FGF2: variants seen among roughly 807,000 people sequenced by gnomAD.
FGF2 encodes basic fibroblast growth factor bFGF.
FGF2 carries 13 observed loss-of-function variants against 15.9 expected under a neutral mutation model. The observed-to-expected ratio is 0.82, with a 90% confidence interval of 0.53 to 1.30. The LOEUF (loss-of-function observed/expected upper bound fraction) is 1.30, where lower values mean the gene tolerates loss of function less well. FGF2 is among the 50% of genes most tolerant of loss of function. The pLI, the probability that FGF2 is intolerant of heterozygous loss-of-function variation, is 0.00. For missense variants in FGF2, 163 were observed against 196.9 expected, an observed-to-expected ratio of 0.83 and a Z score of 1.03; for synonymous variants, 90 against 78.4, an observed-to-expected ratio of 1.15 and a Z score of -0.78.
Position 122,826,917 on chromosome 4 carries a change from C to T in FGF2, c.-258C>T, listed in dbSNP as rs1490755234. 2.0e-6 allele frequency: 3 copies of T among 1,495,212 alleles called. No homozygotes were observed. Among genetic ancestry groups the T allele is most frequent in the East Asian group, 2.8e-5 (1 of 35,774 alleles). 92.6% of individuals were successfully genotyped at this position (1,495,212 alleles called of 1,614,324 possible). A position where few individuals can be genotyped will look rare whatever the true frequency, so the allele number is the denominator to read the frequency against. On this transcript the variant is annotated 5_prime_UTR_variant, in exon 1 of 3. Coordinates refer to ENST00000644866, the MANE Select transcript of FGF2 (RefSeq NM_001361665.2). The stretch of plus-strand genomic sequence containing the variant: ...GGCGGCTCTCCCCAGGCGGCGTCCG[C>T]GGAGACACCCATCCGTGAACCCCAG...
rs11310783 is a variant in FGF2 at position 122,885,913 on chromosome 4, CTTTTTTT to C, written c.283-6281_283-6275del. Among the ~76,000 whole-genome samples, 223 of 84,524 alleles carry C rather than the reference CTTTTTTT, an allele frequency of 2.6e-3. 2 individuals are homozygous for C. The highest frequency in any genetic ancestry group is 9.7e-3 in the African/African-American group (157 of 16,174). 55.5% of individuals were successfully genotyped at this position (84,524 alleles called of 152,430 possible). A position where few individuals can be genotyped will look rare whatever the true frequency, so the allele number is the denominator to read the frequency against. On this transcript the variant is annotated intron_variant, in intron 2 of 2. Coordinates refer to ENST00000644866, the MANE Select transcript of FGF2 (RefSeq NM_001361665.2). Reference sequence around the variant, plus strand: ...TTCAACTTGCTTGATTTTTTTTTTCCTTTTTTTTTTTTTTTTTTTTTTTGAGACAGGT... The same window carrying C: ...TTCAACTTGCTTGATTTTTTTTTTCCTTTTTTTTTTTTTTTTGAGACAGGT...
chr4:122,866,338 C>T (rs1446916518), intron 1 of FGF2, among the ~76,000 whole-genome samples: 2 of 149,724 alleles, frequency 1.3e-5, no homozygotes, highest in African/African-American at 2.5e-5. Flanking sequence ...ACTGCACTCC[C>T]GCCTGGGTGA....
intron 1 of FGF2, among the ~76,000 whole-genome samples, chr4:122,841,714 G>A (rs1725987794): frequency 6.6e-6 from 1 of 152,138 alleles, no homozygotes; most frequent in South Asian, 2.1e-4. Flanking sequence ...CTAAACCAAA[G>A]TTATGTTTTT....
At chr4:122,829,399 C>T (rs1196616912) in intron 1 of FGF2, among the ~76,000 whole-genome samples, 1 of 152,084 alleles carries the variant, frequency 6.6e-6, no homozygotes, top group African/African-American at 2.4e-5. Flanking sequence ...TCCTACAATA[C>T]ACATTATAAT....
At position 122,870,118 on chromosome 4, in the gene FGF2, T is replaced by C. The variant is rs368706896; in HGVS notation, c.179-6203T>C. On this transcript the variant is annotated intron_variant, in intron 1 of 2. Transcript: ENST00000644866. ...CGTGGTTTTTGTCTTTGGTTCTGTT[T>C]ATGTGATGGATTACATTTATTGATT... 9.8e-5 allele frequency among the ~76,000 whole-genome samples: 15 copies of C among 152,370 alleles called. No individual in the cohort carries two copies. In the South Asian group the frequency reaches 3.1e-3, roughly 32 times the overall value.
chr4:122,859,904 A>C (rs1206645216), intron 1 of FGF2, among the ~76,000 whole-genome samples: 2 of 152,184 alleles, frequency 1.3e-5, no homozygotes, highest in African/African-American at 4.8e-5. Context: ...TAATCTAGTG[A>C]ATACTTTTCA....
At chr4:122,882,709 C>G (rs778451114) in intron 2 of FGF2, 4 of 152,188 alleles carry the variant, frequency 2.6e-5, no homozygotes, top group Non-Finnish European at 2.9e-5. Flanking sequence ...TTCTTAGTCT[C>G]CTTTGAGGAA....
chr4:122,839,728 C>G (rs1292822739), intron 1 of FGF2, among the ~76,000 whole-genome samples: 1 of 152,164 alleles, frequency 6.6e-6, no homozygotes, highest in African/African-American at 2.4e-5. Context: ...TTGTGCCGGT[C>G]ACTGCAATCT....
intron 1 of FGF2, among the ~76,000 whole-genome samples, chr4:122,850,716 A>G (rs1234258705): frequency 6.6e-6 from 1 of 152,038 alleles, no homozygotes; most frequent in Non-Finnish European, 1.5e-5. Context: ...GTTGTATGGG[A>G]CTCTTAGCGC....
chr4:122,893,819 C>A lies in FGF2; in HGVS notation c.*1423C>A, dbSNP rs1727264387. On this transcript the variant is annotated 3_prime_UTR_variant, in exon 3 of 3. Coordinates refer to ENST00000644866, the MANE Select transcript of FGF2 (RefSeq NM_001361665.2). ...CTACACATCCAGATGGTCCCTCTAA[C>A]TGGGCTTTCTCTAATTTTGTGATGT... 1 of 152,208 alleles carries A rather than the reference C, an allele frequency of 6.6e-6. No homozygotes were observed. Among genetic ancestry groups the A allele is most frequent in the Admixed American group, 6.5e-5 (1 of 15,282 alleles). The allele number at this position is 152,208 out of a possible 1,614,324, so 9.4% of individuals were successfully genotyped here. A position where few individuals can be genotyped will look rare whatever the true frequency, so the allele number is the denominator to read the frequency against.
chr4:122,831,462 C>T (rs561075084), intron 1 of FGF2, among the ~76,000 whole-genome samples: 25 of 152,276 alleles, frequency 1.6e-4, no homozygotes, highest in Non-Finnish European at 3.1e-4. Context: ...TAATAATACA[C>T]GTACTAGATT....
chr4:122,868,339 C>T (rs1211176157), intron 1 of FGF2, among the ~76,000 whole-genome samples: 1 of 152,130 alleles, frequency 6.6e-6, no homozygotes, highest in Non-Finnish European at 1.5e-5. Context: ...TCTTATTGTT[C>T]AACTCCCACT....
At position 122,897,718 on chromosome 4, in the gene FGF2, C is replaced by A; in HGVS notation, c.*5322C>A. ...CAGAAAATAAAGTTAACATAACTTT[C>A]ACTAACACACACATATGTAGATTTC... is the stretch of plus-strand genomic sequence containing the variant. On this transcript the variant is annotated 3_prime_UTR_variant, in exon 3 of 3. Transcript: ENST00000644866. The A allele has an allele frequency of 1.6e-6, 2 of 1,231,650 alleles. No individual in the cohort carries two copies. Among genetic ancestry groups the A allele is most frequent in the South Asian group, 1.2e-5 (1 of 83,418 alleles). The allele number at this position is 1,231,650 out of a possible 1,614,324, so 76.3% of individuals were successfully genotyped here.
At chr4:122,882,434 C>G (rs376371344) in intron 2 of FGF2, 60 of 152,322 alleles carry the variant, frequency 3.9e-4, no homozygotes, top group African/African-American at 1.4e-3. Context: ...AGGTATTAAG[C>G]TTCCCAAACT....
intron 1 of FGF2, among the ~76,000 whole-genome samples, chr4:122,869,623 T>TCTA (rs1439047674): frequency 6.6e-6 from 1 of 152,224 alleles, no homozygotes; most frequent in African/African-American, 2.4e-5. Flanking sequence ...TCATTCATGA[T>TCTA]TTGGCTCTCT....
At chr4:122,872,525 C>T (rs1726761904) in intron 1 of FGF2, among the ~76,000 whole-genome samples, 1 of 151,952 alleles carries the variant, frequency 6.6e-6, no homozygotes. Context: ...ATACAGAGAA[C>T]ACCACCAAGA....
intron 1 of FGF2, among the ~76,000 whole-genome samples, chr4:122,836,316 C>T (rs1363388418): frequency 1.3e-5 from 2 of 152,196 alleles, no homozygotes; most frequent in African/African-American, 4.8e-5. Flanking sequence ...TCCTGTCTTC[C>T]TTGTCATCTT....
intron 1 of FGF2, among the ~76,000 whole-genome samples, chr4:122,835,998 C>A (rs981521930): frequency 9.9e-5 from 15 of 152,226 alleles, no homozygotes; most frequent in African/African-American, 3.6e-4. Context: ...CCTTTAAGAT[C>A]CAGCCCAACA....
intron 1 of FGF2, among the ~76,000 whole-genome samples, chr4:122,844,147 G>A (rs1296828774): frequency 6.6e-6 from 1 of 152,178 alleles, no homozygotes; most frequent in Non-Finnish European, 1.5e-5. Context: ...CTAAGTTTAT[G>A]TAATATTCTA....
Sources: gnomAD v4.1 joint callset for allele counts (sites outside exome capture counted in the v4.1 genomes callset) on GRCh38, gnomAD v4.1.1 for gene constraint, MANE v1.5 for transcripts, NCBI Gene and HGNC (gene_info 2026-07-23, HGNC 2026-07-21) for gene names.